Variants in YIPF7 observed in about 807,000 individuals in gnomAD.
YIPF7 encodes the protein Yip1 domain family member 7, also known as protein YIPF7.
In YIPF7, 35 loss-of-function variants were observed where a neutral mutation model predicts 27.2. The ratio of observed to expected loss-of-function variants is 1.29; its 90% confidence interval spans 0.98 to 1.70. The LOEUF (loss-of-function observed/expected upper bound fraction) is 1.70. Ranked by LOEUF, YIPF7 falls within the 40% of genes most tolerant of loss-of-function variation. The pLI, the probability that YIPF7 is intolerant of heterozygous loss-of-function variation, is 0.00. For missense variants in YIPF7, 358 were observed against 303.7 expected (o/e 1.18, Z -1.33); for synonymous variants, 137 against 110.4 (o/e 1.24, Z -1.51).
chr4:44,657,025 A>G (rs914913350), intron 2 of YIPF7, among the ~76,000 whole-genome samples: 1 of 152,136 alleles, frequency 6.6e-6, no homozygotes, highest in African/African-American at 2.4e-5. Context: ...TTTTTTTATG[A>G]CAACATTGCT....
intron 2 of YIPF7, among the ~76,000 whole-genome samples, chr4:44,641,114 C>A (rs1401112663): frequency 6.6e-6 from 1 of 152,118 alleles, no homozygotes; most frequent in African/African-American, 2.4e-5. Context: ...CACGTATAGA[C>A]TCTCACTCAC....
chr4:44,650,631 G>T (rs1343736264), intron 1 of YIPF7, among the ~76,000 whole-genome samples: 5 of 152,038 alleles, frequency 3.3e-5, no homozygotes, highest in African/African-American at 4.8e-5. Flanking sequence ...GTTCTACTTG[G>T]CAATTCTTAA....
At chr4:44,658,621 C>T (rs1412067544) in intron 2 of YIPF7, among the ~76,000 whole-genome samples, 4 of 152,212 alleles carry the variant, frequency 2.6e-5, no homozygotes, top group South Asian at 2.1e-4. Flanking sequence ...CTGTGCAAGA[C>T]GATCCAATGG....
chr4:44,623,492 G>A (rs1268545313), intron 5 of YIPF7, among the ~76,000 whole-genome samples: 1 of 152,198 alleles, frequency 6.6e-6, no homozygotes, highest in African/African-American at 2.4e-5. Context: ...GTTTGACACT[G>A]AAGTTGGGAA....
chr4:44,660,113 C>CAAAAAAAAAAAAAAAAAAAA lies in YIPF7; in HGVS notation c.-2+316_-2+335dup, dbSNP rs11461675. 4.0e-3 allele frequency among the ~76,000 whole-genome samples: 101 copies of CAAAAAAAAAAAAAAAAAAAA among 25,522 alleles called. 18 individuals carry two copies. The highest frequency in any genetic ancestry group is 5.5e-3 in the Admixed American group (8 of 1,464). 16.7% of individuals were successfully genotyped at this position (25,522 alleles called of 152,430 possible). A position where few individuals can be genotyped will look rare whatever the true frequency, so the allele number is the denominator to read the frequency against. On this transcript the variant is annotated intron_variant, in intron 2 of 2. Transcript: ENST00000508947. Reference sequence around the variant, plus strand: ...TGGGTGACAGAGCAAGACTCTGTCTCAAAAAAAAAAAAAAAAAAAAAAACG... The same window carrying CAAAAAAAAAAAAAAAAAAAA: ...TGGGTGACAGAGCAAGACTCTGTCTCAAAAAAAAAAAAAAAAAAAAAAAAAAAAAAAAAAAAAAAAAAACG...
chr4:44,651,468 C>A, intron 1 of YIPF7, 86 bp downstream of exon 1: 1 of 761,156 alleles, frequency 1.3e-6, no homozygotes, highest in Non-Finnish European at 2.0e-6. Flanking sequence ...CTTTATGTAA[C>A]ATGACTATTG....
chr4:44,622,286 T>C lies in YIPF7; in HGVS notation c.*128A>G. ...AGAGCACCACCCTTAAGTGCTGCTTTGTCTCTCTGCTTATTACTCTCTCAA... is the reference window on the plus strand; with the variant it reads ...AGAGCACCACCCTTAAGTGCTGCTTCGTCTCTCTGCTTATTACTCTCTCAA... On this transcript the variant is annotated 3_prime_UTR_variant, in exon 6 of 6. Coordinates refer to ENST00000415895, the MANE Select transcript of YIPF7 (RefSeq NM_182592.3). 1 of 1,204,428 alleles carries C rather than the reference T, an allele frequency of 8.3e-7. No homozygotes were observed. The highest frequency in any genetic ancestry group is 1.1e-6 in the Non-Finnish European group (1 of 873,468). 74.6% of individuals were successfully genotyped at this position (1,204,428 alleles called of 1,614,324 possible).
rs866996018 is a variant in YIPF7, at chr4:44,635,964, G to A, written c.238C>T (p.Pro80Ser). 7 of 1,613,888 alleles carry A rather than the reference G, an allele frequency of 4.3e-6. No individual in the cohort carries two copies. Among genetic ancestry groups the A allele is most frequent in the Non-Finnish European group, 5.9e-6 (7 of 1,179,838 alleles). The change falls in exon 3 of 6, where the codon CCT becomes TCT. Residue 80 changes from proline to serine, a missense_variant. Coordinates refer to ENST00000415895, the MANE Select transcript of YIPF7 (RefSeq NM_182592.3). ...TCTTCATCAAAACTGTCAATGTAAGGAGATTGTGAATAATAATCTGAGTTG... is the reference window on the plus strand; with the variant it reads ...TCTTCATCAAAACTGTCAATGTAAGAAGATTGTGAATAATAATCTGAGTTG... ...ASNSDYYSQS[P>S]YIDSFDEEPP...
chr4:44,626,951 A>C (rs1418316169), intron 4 of YIPF7, among the ~76,000 whole-genome samples: 1 of 143,812 alleles, frequency 7.0e-6, no homozygotes, highest in East Asian at 2.1e-4. Context: ...AATTTTCTGT[A>C]TTTTTTTTTT....
intron 5 of YIPF7, among the ~76,000 whole-genome samples, chr4:44,623,667 TA>T (rs1712519818): frequency 6.6e-6 from 1 of 152,212 alleles, no homozygotes; most frequent in Admixed American, 6.5e-5. Flanking sequence ...TTGATTTAAA[TA>T]AAACCTATTA....
At chr4:44,631,369 G>T (rs1468238185) in intron 3 of YIPF7, among the ~76,000 whole-genome samples, 1 of 151,986 alleles carries the variant, frequency 6.6e-6, no homozygotes, top group African/African-American at 2.4e-5. Flanking sequence ...CAGATACAGG[G>T]GTATAGCTCA....
intron 2 of YIPF7, among the ~76,000 whole-genome samples, chr4:44,643,693 C>T (rs1469953622): frequency 6.6e-6 from 1 of 152,112 alleles, no homozygotes; most frequent in African/African-American, 2.4e-5. Context: ...AGCCTCAGGA[C>T]ATTGCTCCCT....
Position 44,624,567 on chromosome 4 carries a change from C to T in YIPF7, c.608+34G>A, listed in dbSNP as rs976768544. On this transcript the variant is annotated intron_variant, in intron 5 of 5. Transcript: ENST00000415895. ...GTGGCAAACCTTGGCTATGATTGTG[C>T]ATGTGGGGTCATTGAGAGCACACAG... The T allele has an allele frequency of 4.6e-6, 7 of 1,529,464 alleles. No individual in the cohort carries two copies. In the Admixed American group the frequency reaches 1.0e-4, roughly 23 times the overall value. 94.7% of individuals were successfully genotyped at this position (1,529,464 alleles called of 1,614,324 possible).
chr4:44,637,595 A>G (rs936434782), intron 2 of YIPF7, among the ~76,000 whole-genome samples: 2 of 151,946 alleles, frequency 1.3e-5, no homozygotes, highest in Admixed American at 6.6e-5. Context: ...TTTTTTAAAA[A>G]AATTTTGTAT....
Position 44,643,865 on chromosome 4 carries a change from C to T in YIPF7, c.116+6120G>A, listed in dbSNP as rs1412799646. On this transcript the variant is annotated intron_variant, in intron 2 of 5. Coordinates refer to ENST00000415895, the MANE Select transcript of YIPF7 (RefSeq NM_182592.3). ...AGGCTTTGAAGCTCCACCTAGATTC[C>T]AGAGGATTTATGGAAAAGCCTGGAT... 2.0e-5 allele frequency among the ~76,000 whole-genome samples: 3 copies of T among 152,060 alleles called. No homozygotes were observed. In the East Asian group the frequency reaches 5.8e-4, roughly 29 times the overall value.
In YIPF7 at chr4:44,644,430, A is replaced by G. The variant is rs922422005; in HGVS notation, c.116+5555T>C. ...ATTAAAGCCACCATGGGCTGCACAC[A>G]GCCTGTGGGCTGTGGGTTGGACAAA... On this transcript the variant is annotated intron_variant, in intron 2 of 5. Coordinates refer to ENST00000415895, the MANE Select transcript of YIPF7 (RefSeq NM_182592.3). Among the ~76,000 whole-genome samples, 41 of 152,258 alleles carry G rather than the reference A, an allele frequency of 2.7e-4. 1 individual carries two copies. Among genetic ancestry groups the G allele is most frequent in the African/African-American group, 8.4e-4 (35 of 41,478 alleles).
At chr4:44,634,721 G>T (rs983063376) in intron 3 of YIPF7, among the ~76,000 whole-genome samples, 1 of 152,060 alleles carries the variant, frequency 6.6e-6, no homozygotes, top group African/African-American at 2.4e-5. Context: ...ACATCAAATT[G>T]TTAATGATAG....
chr4:44,630,135 A>G (rs1331966939), intron 3 of YIPF7, among the ~76,000 whole-genome samples: 1 of 152,004 alleles, frequency 6.6e-6, no homozygotes, highest in Non-Finnish European at 1.5e-5. Flanking sequence ...CACCTGGTTA[A>G]TCTTTTTTCT....
chr4:44,655,724 C>T (rs1027371347), upstream of YIPF7, among the ~76,000 whole-genome samples: 2 of 151,956 alleles, frequency 1.3e-5, no homozygotes, highest in African/African-American at 2.4e-5. Context: ...ATTTTTAATG[C>T]ATTTTTATCA....
Sources: allele counts gnomAD v4.1 joint callset (sites outside exome capture counted in the v4.1 genomes callset), GRCh38; gene constraint gnomAD v4.1.1; transcripts MANE v1.5; gene names NCBI Gene and HGNC (gene_info 2026-07-23, HGNC 2026-07-21).